The following TPRG1 variants were observed in gnomAD, a reference collection of about 807,000 sequenced individuals.
TPRG1 encodes tumor protein p63 regulated 1.
TPRG1 carries 29 observed loss-of-function variants against 29.3 expected under a neutral mutation model. The observed-to-expected ratio is 0.99, with a 90% confidence interval of 0.74 to 1.35. The LOEUF (loss-of-function observed/expected upper bound fraction) is 1.35, where lower values mean the gene tolerates loss of function less well. TPRG1 is among the 40% of genes most tolerant of loss of function. The pLI is 0.00. For synonymous variants in TPRG1, 130 were observed against 116.8 expected, an observed-to-expected ratio of 1.11 and a Z score of -0.73; for missense variants, 327 against 335.0, an observed-to-expected ratio of 0.98 and a Z score of 0.19.
intron 1 of TPRG1, among the ~76,000 whole-genome samples, chr3:189,196,182 G>T (rs1732502345): frequency 6.6e-6 from 1 of 152,130 alleles, no homozygotes. Context: ...CCCATCTGAG[G>T]ATCTAATTTC....
At chr3:189,103,106 C>T (rs563182183) in intron 1 of TPRG1, among the ~76,000 whole-genome samples, 1 of 152,310 alleles carries the variant, frequency 6.6e-6, no homozygotes, top group South Asian at 2.1e-4. Flanking sequence ...CTCAACTTTA[C>T]TTTGCCTCCA....
rs183662873 is a variant in TPRG1 at position 189,050,347 on chromosome 3, A to C, written c.-463+26401A>C. ...ACTAGAAAACCTAGAAGAGATGGAT[A>C]AATTTCTGGGAAAATACAACCTTCC... On this transcript the variant is annotated intron_variant, in intron 4 of 10. Transcript: ENST00000433971. Among the ~76,000 whole-genome samples the C allele has an allele frequency of 8.5e-5, 13 of 152,344 alleles. No individual in the cohort carries two copies. In the East Asian group the frequency reaches 2.1e-3, roughly 25 times the overall value.
intron 5 of TPRG1, among the ~76,000 whole-genome samples, chr3:189,154,874 G>A (rs1388099244): frequency 6.6e-6 from 1 of 152,206 alleles, no homozygotes; most frequent in African/African-American, 2.4e-5. Flanking sequence ...GGAAAGGTGA[G>A]TGGGTTGGGG....
intron 3 of TPRG1, among the ~76,000 whole-genome samples, chr3:189,020,000 A>G (rs989143289): frequency 9.9e-5 from 15 of 150,814 alleles, no homozygotes; most frequent in Admixed American, 5.9e-4. Context: ...TTTCTTCTAG[A>G]TTTTCTAGTT....
chr3:189,283,158 TTAA>T (rs1320243068), intron 4 of TPRG1, among the ~76,000 whole-genome samples: 1 of 152,228 alleles, frequency 6.6e-6, no homozygotes, highest in Non-Finnish European at 1.5e-5. Flanking sequence ...AGTTTATGTA[TTAA>T]TTATTAAAGG....
intron 1 of TPRG1, among the ~76,000 whole-genome samples, chr3:189,195,210 G>A (rs1732337504): frequency 6.6e-6 from 1 of 152,124 alleles, no homozygotes; most frequent in South Asian, 2.1e-4. Flanking sequence ...AGGTACTGGG[G>A]TGCATGACCA....
chr3:189,307,915 A>T (rs916091230), intron 4 of TPRG1, among the ~76,000 whole-genome samples: 1 of 152,178 alleles, frequency 6.6e-6, no homozygotes, highest in African/African-American at 2.4e-5. Flanking sequence ...GAATGATAGG[A>T]TAGTACTTGC....
At chr3:189,142,352 T>C (rs141397593) in intron 3 of TPRG1, among the ~76,000 whole-genome samples, 22 of 152,208 alleles carry the variant, frequency 1.4e-4, no homozygotes, top group African/African-American at 4.8e-4. Context: ...ATATGCTAGA[T>C]TGTCTTCATT....
At chr3:189,207,667 A>G (rs889543403) in intron 2 of TPRG1, 73 bp downstream of exon 2, 1 of 1,403,604 alleles carries the variant, frequency 7.1e-7, no homozygotes, top group African/African-American at 1.4e-5. Context: ...TCTGTGTATC[A>G]CATATTTACT....
At chr3:189,282,901 C>T (rs1717404896) in intron 4 of TPRG1, among the ~76,000 whole-genome samples, 1 of 152,186 alleles carries the variant, frequency 6.6e-6, no homozygotes, top group Non-Finnish European at 1.5e-5. Flanking sequence ...GTGAAAGTCT[C>T]ATCCAAGTCC....
At chr3:189,111,217 T>C (rs1329362539) in intron 1 of TPRG1, among the ~76,000 whole-genome samples, 1 of 152,076 alleles carries the variant, frequency 6.6e-6, no homozygotes, top group African/African-American at 2.4e-5. Context: ...ACATAGTATA[T>C]ATCTCCTTTT....
At chr3:189,258,801 T>C (rs962741384) in intron 4 of TPRG1, among the ~76,000 whole-genome samples, 52 of 152,270 alleles carry the variant, frequency 3.4e-4, no homozygotes, top group African/African-American at 1.2e-3. Flanking sequence ...TTGTTTACAC[T>C]GTGAGGGGAA....
chr3:189,103,403 G>A (rs1719434614), intron 1 of TPRG1, among the ~76,000 whole-genome samples: 1 of 152,160 alleles, frequency 6.6e-6, no homozygotes, highest in Admixed American at 6.5e-5. Context: ...CAGACCCTGA[G>A]GGAGAAAGTG....
At chr3:189,177,724 G>C (rs1729680343) in intron 1 of TPRG1, among the ~76,000 whole-genome samples, 1 of 152,068 alleles carries the variant, frequency 6.6e-6, no homozygotes, top group South Asian at 2.1e-4. Context: ...CATGCCAGCA[G>C]AGAGGGGTAT....
intron 3 of TPRG1, among the ~76,000 whole-genome samples, chr3:189,015,239 T>A (rs557709108): frequency 1.3e-5 from 2 of 152,288 alleles, no homozygotes; most frequent in Admixed American, 6.5e-5. Context: ...ACTTTGAACC[T>A]GGGAGAGATG....
intron 1 of TPRG1, among the ~76,000 whole-genome samples, chr3:189,113,290 G>T (rs1441082495): frequency 1.3e-5 from 2 of 152,174 alleles, no homozygotes; most frequent in Non-Finnish European, 2.9e-5. Flanking sequence ...AGACGATGGG[G>T]TTTTCTAGAT....
intron 2 of TPRG1, among the ~76,000 whole-genome samples, chr3:189,210,906 T>C (rs560582595): frequency 2.0e-5 from 3 of 152,224 alleles, no homozygotes; most frequent in Non-Finnish European, 2.9e-5. Flanking sequence ...AGGGTAGTCA[T>C]TGAGTGGAGG....
At chr3:189,143,728 A>T (rs1724881714) in intron 3 of TPRG1, among the ~76,000 whole-genome samples, 1 of 152,184 alleles carries the variant, frequency 6.6e-6, no homozygotes, top group Non-Finnish European at 1.5e-5. Flanking sequence ...CTGATTTCAT[A>T]ACATGTTTTC....
At chr3:189,176,835 T>A (rs979264544) in intron 1 of TPRG1, among the ~76,000 whole-genome samples, 1 of 152,140 alleles carries the variant, frequency 6.6e-6, no homozygotes, top group Non-Finnish European at 1.5e-5. Context: ...GTTAGATGAT[T>A]GTGGAGTGAG....
Sources: allele counts gnomAD v4.1 joint callset (sites outside exome capture counted in the v4.1 genomes callset), GRCh38; gene constraint gnomAD v4.1.1; transcripts MANE v1.5; gene names NCBI Gene and HGNC (gene_info 2026-07-23, HGNC 2026-07-21).